The following MAP4K3 variants were observed in gnomAD, a reference collection of about 807,000 sequenced individuals.
MAP4K3 encodes mitogen-activated protein kinase kinase kinase kinase 3, also known as MAPK/ERK kinase kinase kinase 3.
Under a neutral mutation model 143.5 loss-of-function variants are expected in MAP4K3, and 94 were observed. That is an observed-to-expected ratio of 0.65 (90% CI 0.55 to 0.78). The LOEUF is 0.78. Ranked by LOEUF, MAP4K3 falls within the 30% of genes least tolerant of loss-of-function variation. MAP4K3 has a pLI of 0.00. For missense variants in MAP4K3, 1,077 were observed against 1,068.1 expected, an observed-to-expected ratio of 1.01 and a Z score of -0.12; for synonymous variants, 416 against 347.2, an observed-to-expected ratio of 1.20 and a Z score of -2.20.
At chr2:39,428,182 T>A (rs1665157612) in intron 1 of MAP4K3, among the ~76,000 whole-genome samples, 1 of 152,226 alleles carries the variant, frequency 6.6e-6, no homozygotes, top group African/African-American at 2.4e-5. Context: ...TTTCCTTATA[T>A]CAGGGTTTAA....
At chr2:39,340,000 A>C (rs1665094150) in intron 4 of MAP4K3, among the ~76,000 whole-genome samples, 1 of 151,888 alleles carries the variant, frequency 6.6e-6, no homozygotes, top group Non-Finnish European at 1.5e-5. Flanking sequence ...TAAATAAACA[A>C]ACACAAAAAG....
chr2:39,290,082 C>T (rs1375786454), intron 19 of MAP4K3, among the ~76,000 whole-genome samples: 1 of 22,046 alleles, frequency 4.5e-5, no homozygotes, highest in Admixed American at 7.0e-4. Context: ...GTGAGACTGT[C>T]TCAAAAAAAA....
chr2:39,298,889 C>T (rs967155811), intron 16 of MAP4K3, among the ~76,000 whole-genome samples: 20 of 149,518 alleles, frequency 1.3e-4, no homozygotes, highest in African/African-American at 5.0e-4. Context: ...CACTTGAACC[C>T]GGGAGGCGGA....
At chr2:39,430,258 C>A (rs1665244940) in intron 1 of MAP4K3, among the ~76,000 whole-genome samples, 1 of 152,142 alleles carries the variant, frequency 6.6e-6, no homozygotes, top group South Asian at 2.1e-4. Context: ...AGAATTTTTA[C>A]AATCTCAAAT....
intron 2 of MAP4K3, among the ~76,000 whole-genome samples, chr2:39,370,582 T>C (rs1666053298): frequency 6.6e-6 from 1 of 152,146 alleles, no homozygotes; most frequent in South Asian, 2.1e-4. Flanking sequence ...TGGAATAAGG[T>C]CTTATTGGTA....
intron 17 of MAP4K3, 32 bp downstream of exon 17, chr2:39,293,198 T>A: frequency 1.4e-6 from 2 of 1,454,056 alleles, no homozygotes; most frequent in Non-Finnish European, 1.9e-6. Flanking sequence ...GTCTGTGACA[T>A]AAAGTACTTT....
At chr2:39,370,320 C>T (rs1357376492) in intron 2 of MAP4K3, among the ~76,000 whole-genome samples, 1 of 152,208 alleles carries the variant, frequency 6.6e-6, no homozygotes, top group Admixed American at 6.5e-5. Flanking sequence ...AACAACTACT[C>T]TATTCATGAT....
Position 39,436,950 on chromosome 2 carries a change from T to TG in MAP4K3, c.37dup (p.Gln13ProfsTer25). 6.2e-7 allele frequency: 1 copy of TG among 1,612,670 alleles called. No individual in the cohort carries two copies. The highest frequency in any genetic ancestry group is 2.2e-5 in the East Asian group (1 of 44,752). ...GCGCTGAATCAGCTCGAAGTCCTCC[T>TG]GCGGGTTCCGGCGGGACAAATCGAA... On this transcript the variant is annotated frameshift_variant, in exon 1 of 34. Transcript: ENST00000263881. LOFTEE classifies it high-confidence loss of function.
intron 24 of MAP4K3, among the ~76,000 whole-genome samples, chr2:39,277,659 G>A (rs1380282370): frequency 6.6e-6 from 1 of 151,836 alleles, no homozygotes; most frequent in Non-Finnish European, 1.5e-5. Context: ...CCTCCTCCCG[G>A]GTTCAAGTGA....
In MAP4K3 at chr2:39,249,276, C is replaced by T. The variant is rs2148425643; in HGVS notation, c.*1342G>A. ...AACCAGATGACAAGCTACTATACAA[C>T]AGCATGTTAAAAAACATGTTTATTT... On this transcript the variant is annotated 3_prime_UTR_variant, in exon 34 of 34. Coordinates refer to ENST00000263881, the MANE Select transcript of MAP4K3 (RefSeq NM_003618.4). The T allele has an allele frequency of 1.3e-5, 2 of 152,634 alleles. No individual in the cohort carries two copies. Among genetic ancestry groups the T allele is most frequent in the South Asian group, 2.1e-4 (1 of 4,824 alleles). The allele number at this position is 152,634 out of a possible 1,614,324, so 9.5% of individuals were successfully genotyped here. A position where few individuals can be genotyped will look rare whatever the true frequency, so the allele number is the denominator to read the frequency against.
chr2:39,261,005 G>A, intron 28 of MAP4K3: 3 of 394,120 alleles, frequency 7.6e-6, no homozygotes, highest in East Asian at 5.1e-5. Context: ...AAGGCTGGAA[G>A]GGAATTTATA....
chr2:39,281,132 C>G (rs1218896146), intron 22 of MAP4K3, among the ~76,000 whole-genome samples: 1 of 152,078 alleles, frequency 6.6e-6, no homozygotes, highest in Non-Finnish European at 1.5e-5. Context: ...GAGGGAAAAA[C>G]AGTACAAAAA....
intron 3 of MAP4K3, among the ~76,000 whole-genome samples, chr2:39,344,042 T>C (rs953804690): frequency 6.6e-6 from 1 of 152,122 alleles, no homozygotes; most frequent in Non-Finnish European, 1.5e-5. Context: ...TTTAATCTCT[T>C]AAAAATGTAC....
At chr2:39,283,397 T>A (rs1681623964) in intron 21 of MAP4K3, among the ~76,000 whole-genome samples, 1 of 152,198 alleles carries the variant, frequency 6.6e-6, no homozygotes, top group Admixed American at 6.6e-5. Flanking sequence ...ATTAAGAATC[T>A]TTTTAACCCA....
At chr2:39,392,180 A>T in intron 1 of MAP4K3, among the ~76,000 whole-genome samples, 1 of 94,134 alleles carries the variant, frequency 1.1e-5, no homozygotes. Flanking sequence ...CGACACTCCT[A>T]CTCAAAAAAA....
chr2:39,356,158 C>T (rs1665604730), intron 3 of MAP4K3, 91 bp downstream of exon 3: 3 of 729,916 alleles, frequency 4.1e-6, no homozygotes, highest in Non-Finnish European at 4.5e-6. Context: ...AGAAAAACTA[C>T]AAAACATGGT....
chr2:39,431,974 C>T (rs1197582686), intron 1 of MAP4K3, among the ~76,000 whole-genome samples: 1 of 151,844 alleles, frequency 6.6e-6, no homozygotes, highest in African/African-American at 2.4e-5. Context: ...TATGGAGTAT[C>T]TAGAGAGTCT....
At chr2:39,356,896 G>A (rs974755654) in intron 2 of MAP4K3, among the ~76,000 whole-genome samples, 1 of 152,116 alleles carries the variant, frequency 6.6e-6, no homozygotes, top group Non-Finnish European at 1.5e-5. Flanking sequence ...TCTTTTCTAA[G>A]TTAGGGCAGG....
chr2:39,413,241 A>T (rs922712843), intron 1 of MAP4K3, among the ~76,000 whole-genome samples: 2 of 152,234 alleles, frequency 1.3e-5, no homozygotes, highest in African/African-American at 4.8e-5. Flanking sequence ...TATTAATAAT[A>T]CAGAAACTGA....
Sources: gnomAD v4.1 joint callset for allele counts (sites outside exome capture counted in the v4.1 genomes callset) on GRCh38, gnomAD v4.1.1 for gene constraint, MANE v1.5 for transcripts, NCBI Gene and HGNC (gene_info 2026-07-23, HGNC 2026-07-21) for gene names.